The following WDFY3 variants were observed in gnomAD, a reference collection of about 807,000 sequenced individuals.
The protein encoded by WDFY3 is WD repeat and FYVE domain containing 3.
WDFY3 carries 66 observed loss-of-function variants against 409.6 expected under a neutral mutation model. The observed-to-expected ratio is 0.16, with a 90% CI of 0.13 to 0.20. The LOEUF is 0.20. Among genes scored for constraint, WDFY3 ranks in the 10% least tolerant of loss-of-function variants. The pLI is 1.00. For synonymous variants in WDFY3, 1,521 were observed against 1,537.1 expected, an observed-to-expected ratio of 0.99 and a Z score of 0.25; for missense variants, 3,031 against 4,298.1, an observed-to-expected ratio of 0.71 and a Z score of 8.24.
At chr4:84,805,495 T>TA (rs1183908170) in intron 15 of WDFY3, among the ~76,000 whole-genome samples, 1 of 152,208 alleles carries the variant, frequency 6.6e-6, no homozygotes, top group African/African-American at 2.4e-5. Context: ...TTAAATCACC[T>TA]AGGTATCACC....
chr4:84,804,586 C>T (rs1751202796), intron 15 of WDFY3, among the ~76,000 whole-genome samples: 1 of 152,144 alleles, frequency 6.6e-6, no homozygotes. Flanking sequence ...TGCCATTTTT[C>T]ATTCAAAAAG....
chr4:84,720,635 C>A (rs905892447), intron 47 of WDFY3, among the ~76,000 whole-genome samples: 1 of 152,146 alleles, frequency 6.6e-6, no homozygotes, highest in African/African-American at 2.4e-5. Flanking sequence ...AAGCCTATTC[C>A]CCCTTCATCT....
Position 84,743,817 on chromosome 4 carries a change from G to C in WDFY3, c.5974-18C>G. 1.9e-6 allele frequency: 3 copies of C among 1,550,060 alleles called. No individual in the cohort carries two copies. Among genetic ancestry groups the C allele is most frequent in the Non-Finnish European group, 2.6e-6 (3 of 1,145,552 alleles). On this transcript the variant is annotated intron_variant, in intron 36 of 67. Transcript: ENST00000295888. ...GGGGAAGCCTAATCAAGAAAATTTAGAATTAGAAACAGAACCAACTAAAAC... is the reference window on the plus strand; with the variant it reads ...GGGGAAGCCTAATCAAGAAAATTTACAATTAGAAACAGAACCAACTAAAAC...
Position 84,671,388 on chromosome 4 carries a change from T to G in WDFY3, c.*1480A>C, listed in dbSNP as rs570646849. The stretch of plus-strand genomic sequence containing the variant: ...AGGCCTATCTTGGGCCATTAATGAT[T>G]CTATATTTTTCAAATCACAGGGCTT... On this transcript the variant is annotated 3_prime_UTR_variant, in exon 68 of 68. Transcript: ENST00000295888. The G allele has an allele frequency of 1.4e-4, 21 of 152,618 alleles. No individual in the cohort carries two copies. The South Asian group carries it at 3.9e-3, about 29-fold the overall frequency. 9.5% of individuals were successfully genotyped at this position (152,618 alleles called of 1,614,324 possible).
chr4:84,859,504 T>TA (rs1477856580), intron 4 of WDFY3, among the ~76,000 whole-genome samples: 6 of 152,196 alleles, frequency 3.9e-5, no homozygotes, highest in Admixed American at 3.9e-4. Flanking sequence ...GGAGGGAACC[T>TA]ATAAGCCTGT....
At chr4:84,743,946 C>T (rs976796466) in intron 36 of WDFY3, 147 bp from the exon 37 acceptor site, 3 of 402,314 alleles carry the variant, frequency 7.5e-6, no homozygotes, top group African/African-American at 4.2e-5. Flanking sequence ...GGTATACATG[C>T]TATGCTTATG....
At position 84,831,607 on chromosome 4, in the gene WDFY3, T is replaced by C; in HGVS notation, c.577-2A>G. 6.3e-7 allele frequency: 1 copy of C among 1,599,114 alleles called. No homozygotes were observed. Among genetic ancestry groups the C allele is most frequent in the Non-Finnish European group, 8.5e-7 (1 of 1,172,396 alleles). On this transcript the variant is annotated splice_acceptor_variant, in intron 7 of 67. Coordinates refer to ENST00000295888, the MANE Select transcript of WDFY3 (RefSeq NM_014991.6). LOFTEE classifies it high-confidence loss of function. ...AAAACTGCACAGTTTCACTAAGATC[T>C]AAAAAATAAAACAAAACAAAACAAG...
At chr4:84,847,095 A>C (rs998623751) in intron 5 of WDFY3, among the ~76,000 whole-genome samples, 1 of 152,128 alleles carries the variant, frequency 6.6e-6, no homozygotes, top group Admixed American at 6.5e-5. Context: ...GGACATACAA[A>C]GGTAAAATAA....
At chr4:84,678,780 G>A (rs1726802343) in intron 65 of WDFY3, 139 bp downstream of exon 65, 1 of 886,100 alleles carries the variant, frequency 1.1e-6, no homozygotes. Flanking sequence ...TCTGTGTAAA[G>A]AGGCATTCTG....
chr4:84,819,986 T>C (rs761576756), intron 12 of WDFY3, 99 bp downstream of exon 12: 33 of 1,098,784 alleles, frequency 3.0e-5, no homozygotes, highest in Non-Finnish European at 4.2e-5. Context: ...AATAGTTTTT[T>C]CTCTAAAGTG....
At position 84,687,935 on chromosome 4, in the gene WDFY3, A is replaced by G. The variant is rs190716464; in HGVS notation, c.9543+151T>C. The G allele has an allele frequency of 1.7e-4, 136 of 794,004 alleles. No homozygotes were observed. In the African/African-American group the frequency reaches 1.8e-3, roughly 11 times the overall value. The allele number at this position is 794,004 out of a possible 1,614,324, so 49.2% of individuals were successfully genotyped here. ...GACACCTGATGGGTATAGTGCCTAC[A>G]GCCCAGAAGTCCTGGGCTCAACTAA... On this transcript the variant is annotated intron_variant, in intron 62 of 67. Coordinates refer to ENST00000295888, the MANE Select transcript of WDFY3 (RefSeq NM_014991.6).
At chr4:84,876,734 T>C (rs1013195935) in intron 3 of WDFY3, among the ~76,000 whole-genome samples, 2 of 152,134 alleles carry the variant, frequency 1.3e-5, no homozygotes, top group African/African-American at 4.8e-5. Context: ...GTGACAGCAC[T>C]AGATTTTCTG....
chr4:84,836,879 C>CCT, intron 7 of WDFY3, 50 bp downstream of exon 7: 1 of 1,352,404 alleles, frequency 7.4e-7, no homozygotes, highest in Non-Finnish European at 9.7e-7. Context: ...AGGAAGTATA[C>CCT]CCACTTCCCT....
intron 36 of WDFY3, 65 bp from the exon 37 acceptor site, chr4:84,743,864 TTTACA>T: frequency 8.9e-7 from 1 of 1,129,732 alleles, no homozygotes; most frequent in South Asian, 1.7e-5. Context: ...CTCAACCACA[TTTACA>T]TTACCTAATA....
At chr4:84,747,679 G>A (rs770599463) in intron 36 of WDFY3, among the ~76,000 whole-genome samples, 7 of 152,054 alleles carry the variant, frequency 4.6e-5, no homozygotes, top group African/African-American at 1.4e-4. Context: ...CTCTCATGCT[G>A]TTCTTGTGAT....
chr4:84,736,328 C>A lies in WDFY3; in HGVS notation c.6758-1G>T. 6.3e-7 allele frequency: 1 copy of A among 1,574,828 alleles called. No homozygotes were observed. Among genetic ancestry groups the A allele is most frequent in the Non-Finnish European group, 8.6e-7 (1 of 1,165,950 alleles). The stretch of plus-strand genomic sequence containing the variant: ...CGACTTATGCATTTCTTTTCATGGG[C>A]TATTAAAAAATCAAATTAGATTATT... On this transcript the variant is annotated splice_acceptor_variant, in intron 41 of 67. Transcript: ENST00000295888. LOFTEE classifies it high-confidence loss of function.
chr4:84,928,147 GC>G (rs1770254253), intron 2 of WDFY3, among the ~76,000 whole-genome samples: 1 of 152,190 alleles, frequency 6.6e-6, no homozygotes, highest in Admixed American at 6.5e-5. Flanking sequence ...GGGTGAACTT[GC>G]CCTCTTTTCT....
intron 1 of WDFY3, among the ~76,000 whole-genome samples, chr4:84,951,913 A>G (rs1308035461): frequency 6.6e-6 from 1 of 152,220 alleles, no homozygotes. Flanking sequence ...CCACAGTCAA[A>G]AAGTAGTTCA....
chr4:84,690,645 C>G lies in WDFY3; in HGVS notation c.9224G>C (p.Cys3075Ser). ...ESDKAMTVYE[C>S]LSEWGQILCA... The stretch of plus-strand genomic sequence containing the variant: ...GAGAATCTGGCCCCACTCAGACAAG[C>G]ATTCATAAACAGTCATGGCCTATAA... Residue 3075 changes from cysteine to serine, a missense_variant, in exon 61 of 68, where the codon TGC (cysteine) becomes TCC (serine). By Grantham distance (112) the Cys-to-Ser change is moderately radical. Around this residue, in one of 16 missense-constraint regions of WDFY3, gnomAD observed 152 missense variants for 193.5 expected, o/e 0.79. Transcript: ENST00000295888. 1 of 1,613,596 alleles carries G rather than the reference C, an allele frequency of 6.2e-7. No individual in the cohort carries two copies. Among genetic ancestry groups the G allele is most frequent in the Non-Finnish European group, 8.5e-7 (1 of 1,179,744 alleles).
Sources: allele counts gnomAD v4.1 joint callset (sites outside exome capture counted in the v4.1 genomes callset), GRCh38; gene constraint gnomAD v4.1.1; regional missense constraint gnomAD v4.1.1; transcripts MANE v1.5; gene names NCBI Gene and HGNC (gene_info 2026-07-23, HGNC 2026-07-21).